The following SKI variants were observed in gnomAD, a reference collection of about 807,000 sequenced individuals.
SKI encodes the protein ski oncogene.
SKI carries 23 observed loss-of-function variants against 59.3 expected under a neutral mutation model. The observed-to-expected ratio is 0.39, with a 90% CI of 0.28 to 0.55. SKI has a LOEUF of 0.55. SKI is among the 20% of genes least tolerant of loss of function. The pLI is 0.67. For missense variants in SKI, 1,017 were observed against 1,038.9 expected, an observed-to-expected ratio of 0.98 and a Z score of 0.29; for synonymous variants, 673 against 488.6, an observed-to-expected ratio of 1.38 and a Z score of -4.98.
At chr1:2,266,684 C>T (rs1184286395) in intron 1 of SKI, among the ~76,000 whole-genome samples, 1 of 152,198 alleles carries the variant, frequency 6.6e-6, no homozygotes, top group East Asian at 1.9e-4. Flanking sequence ...CAGGCGGGCC[C>T]TGGCATCGCA....
intron 1 of SKI, among the ~76,000 whole-genome samples, chr1:2,301,332 C>T (rs971650418): frequency 6.6e-6 from 1 of 152,238 alleles, no homozygotes; most frequent in Non-Finnish European, 1.5e-5. Flanking sequence ...TTTTCCTGAA[C>T]AGCTATTTTA....
intron 1 of SKI, among the ~76,000 whole-genome samples, chr1:2,296,868 C>T (rs1014973630): frequency 5.3e-5 from 8 of 152,256 alleles, no homozygotes; most frequent in South Asian, 2.1e-4. Context: ...CTCGCAGCCT[C>T]GGCTCTACAG....
chr1:2,242,088 G>A (rs1235783494), intron 1 of SKI, among the ~76,000 whole-genome samples: 1 of 152,212 alleles, frequency 6.6e-6, no homozygotes, highest in Admixed American at 6.5e-5. Flanking sequence ...GGCCAGGAGA[G>A]AGCGGAGCTG....
intron 5 of SKI, among the ~76,000 whole-genome samples, 161 bp from the exon 6 acceptor site, chr1:2,305,858 TC>T (rs1640559437): frequency 6.6e-6 from 1 of 151,762 alleles, no homozygotes; most frequent in Non-Finnish European, 1.5e-5. Flanking sequence ...CTTTGTGGGG[TC>T]GGGGCACCAC....
At chr1:2,285,786 G>A (rs750920568) in intron 1 of SKI, among the ~76,000 whole-genome samples, 67 of 150,288 alleles carry the variant, frequency 4.5e-4, no homozygotes, top group Non-Finnish European at 8.1e-4. Context: ...GGATGGTCTC[G>A]AACACCTGAC....
Position 2,309,488 on chromosome 1 carries a change from C to T in SKI, c.*2723C>T, listed in dbSNP as rs1241152047. The T allele has an allele frequency of 6.6e-6, 1 of 152,144 alleles. No homozygotes were observed. The highest frequency in any genetic ancestry group is 1.5e-5 in the Non-Finnish European group (1 of 68,024). The allele number at this position is 152,144 out of a possible 1,614,324, so 9.4% of individuals were successfully genotyped here. On this transcript the variant is annotated 3_prime_UTR_variant, in exon 7 of 7. Coordinates refer to ENST00000378536, the MANE Select transcript of SKI (RefSeq NM_003036.4). Reference sequence around the variant, plus strand: ...TTTCCTTTTTCACCGTTGTATTATACATGTATATGCTGGGTCCTTTTTCAG... The same window carrying T: ...TTTCCTTTTTCACCGTTGTATTATATATGTATATGCTGGGTCCTTTTTCAG...
chr1:2,291,966 A>G (rs1640171716), intron 1 of SKI, among the ~76,000 whole-genome samples: 1 of 152,364 alleles, frequency 6.6e-6, no homozygotes. Flanking sequence ...AAAATAGGTT[A>G]ATTTAAGCCC....
intron 1 of SKI, among the ~76,000 whole-genome samples, chr1:2,301,371 G>A (rs193278285): frequency 1.3e-5 from 2 of 152,230 alleles, no homozygotes; most frequent in African/African-American, 4.8e-5. Flanking sequence ...ATCCACAGCC[G>A]TGAGCCTTCA....
chr1:2,304,208 G>A (rs2100919372), intron 4 of SKI, 85 bp from the exon 5 acceptor site: 3 of 1,563,176 alleles, frequency 1.9e-6, no homozygotes, highest in East Asian at 2.4e-5. Flanking sequence ...ATGTTTCGCA[G>A]GTTCCTCCGG....
chr1:2,279,580 A>AG (rs962553606), intron 1 of SKI, among the ~76,000 whole-genome samples: 2 of 131,488 alleles, frequency 1.5e-5, no homozygotes, highest in African/African-American at 2.9e-5. Context: ...CTGCAGGGGG[A>AG]GGGGGGAGGG....
At chr1:2,275,881 G>A (rs902026779) in intron 1 of SKI, among the ~76,000 whole-genome samples, 4 of 152,116 alleles carry the variant, frequency 2.6e-5, no homozygotes, top group Admixed American at 6.5e-5. Flanking sequence ...GGCAGGCCCC[G>A]TTGCCTCCAC....
intron 1 of SKI, among the ~76,000 whole-genome samples, chr1:2,245,122 C>G (rs116374150): frequency 2.6e-5 from 4 of 152,100 alleles, no homozygotes; most frequent in Non-Finnish European, 5.9e-5. Context: ...AACACCCACC[C>G]GCCGCTTTCT....
At chr1:2,264,840 C>A (rs975096704) in intron 1 of SKI, among the ~76,000 whole-genome samples, 2 of 151,894 alleles carry the variant, frequency 1.3e-5, no homozygotes, top group Non-Finnish European at 2.9e-5. Context: ...GAGACAGAAT[C>A]TCACTCTGTC....
chr1:2,230,370 G>A (rs1026760243), intron 1 of SKI, among the ~76,000 whole-genome samples: 1 of 152,190 alleles, frequency 6.6e-6, no homozygotes. Context: ...CTCCAGCACT[G>A]TGCTGGTTGG....
At position 2,239,987 on chromosome 1, in the gene SKI, G is replaced by A. The variant is rs187964194; in HGVS notation, c.969+10252G>A. Reference sequence around the variant, plus strand: ...AGCTCGGCGCCTCTAGTGTAGATGGGTTTTTAATTTTCCCAGCTGAACGTC... The same window carrying A: ...AGCTCGGCGCCTCTAGTGTAGATGGATTTTTAATTTTCCCAGCTGAACGTC... On this transcript the variant is annotated intron_variant, in intron 1 of 6. Coordinates refer to ENST00000378536, the MANE Select transcript of SKI (RefSeq NM_003036.4). 1.1e-4 allele frequency among the ~76,000 whole-genome samples: 17 copies of A among 152,060 alleles called. 1 individual carries two copies. The East Asian group carries it at 3.3e-3, about 29-fold the overall frequency.
chr1:2,230,732 C>T (rs928829313), intron 1 of SKI, among the ~76,000 whole-genome samples: 3 of 152,146 alleles, frequency 2.0e-5, no homozygotes, highest in Non-Finnish European at 4.4e-5. Context: ...TTTTAAATAT[C>T]CAGGCTTATT....
intron 1 of SKI, among the ~76,000 whole-genome samples, chr1:2,282,742 C>T (rs1306442032): frequency 2.0e-5 from 3 of 152,178 alleles, no homozygotes; most frequent in Non-Finnish European, 4.4e-5. Flanking sequence ...GGCTGGGCTC[C>T]CCGTCAAGGA....
rs1334858258 is a variant in SKI at position 2,268,884 on chromosome 1, T to A, written c.970-34094T>A. On this transcript the variant is annotated intron_variant, in intron 1 of 6. Coordinates refer to ENST00000378536, the MANE Select transcript of SKI (RefSeq NM_003036.4). The surrounding 1 kb of genome is among the most constrained non-coding windows in gnomAD (Gnocchi z 5.0). ...CCCTCCCTTCTGCCTTTCCCCTTTA[T>A]CCTTTCCCCCCTTCCATGTCCATTT... 6.6e-6 allele frequency among the ~76,000 whole-genome samples: 1 copy of A among 150,702 alleles called. No homozygotes were observed. The highest frequency in any genetic ancestry group is 1.5e-5 in the Non-Finnish European group (1 of 67,702).
In SKI at chr1:2,292,696, G is replaced by A. The variant is rs368227595; in HGVS notation, c.970-10282G>A. 3.9e-5 allele frequency among the ~76,000 whole-genome samples: 6 copies of A among 152,340 alleles called. No homozygotes were observed. In the East Asian group the frequency reaches 5.8e-4, roughly 15 times the overall value. On this transcript the variant is annotated intron_variant, in intron 1 of 6. Transcript: ENST00000378536. Reference sequence around the variant, plus strand: ...ACCCTTGCCTAAGGGAGGGAGAGAGGAAGGCCTGGTACCAGGCAGTGTCCT... The same window carrying A: ...ACCCTTGCCTAAGGGAGGGAGAGAGAAAGGCCTGGTACCAGGCAGTGTCCT...
Sources: allele counts gnomAD v4.1 joint callset (sites outside exome capture counted in the v4.1 genomes callset), GRCh38; gene constraint gnomAD v4.1.1; non-coding constraint Gnocchi (gnomAD v3.1); transcripts MANE v1.5; gene names NCBI Gene and HGNC (gene_info 2026-07-23, HGNC 2026-07-21).